Variants in ZNF333 observed in about 807,000 individuals in gnomAD.
ZNF333 encodes zinc finger protein 333.
Under a neutral mutation model 76.1 loss-of-function variants are expected in ZNF333, and 61 were observed. The observed-to-expected ratio is 0.80, with a 90% CI of 0.65 to 0.99. ZNF333 has a LOEUF of 0.99. Ranked by LOEUF, ZNF333 falls within the 50% of genes least tolerant of loss-of-function variation. The pLI is 0.00. For missense variants in ZNF333, 717 were observed against 822.4 expected (o/e 0.87, Z 1.57); for synonymous variants, 284 against 305.0 (o/e 0.93, Z 0.72).
In ZNF333 at chr19:14,699,442, C is replaced by G. The variant is rs969270508; in HGVS notation, c.306+161C>G. On this transcript the variant is annotated intron_variant, in intron 5 of 11. Coordinates refer to ENST00000292530, the MANE Select transcript of ZNF333 (RefSeq NM_032433.4). ...AGTGCCTGTGACTTCTGAATTTGGG[C>G]AAACCCAGACTGTTGCTCAAGACTT... 1.5e-5 allele frequency: 9 copies of G among 610,026 alleles called. No homozygotes were observed. In the African/African-American group the frequency reaches 1.5e-4, roughly 10 times the overall value. 37.8% of individuals were successfully genotyped at this position (610,026 alleles called of 1,614,324 possible).
At chr19:14,699,577 C>T (rs1363770904) in intron 5 of ZNF333, among the ~76,000 whole-genome samples, 1 of 151,942 alleles carries the variant, frequency 6.6e-6, no homozygotes, top group African/African-American at 2.4e-5. Flanking sequence ...TTTCCTGCTT[C>T]AGCCTCCCGA....
In ZNF333 at chr19:14,715,534, C is replaced by T. The variant is rs191644139; in HGVS notation, c.600+64C>T. On this transcript the variant is annotated intron_variant, in intron 8 of 11. Coordinates refer to ENST00000292530, the MANE Select transcript of ZNF333 (RefSeq NM_032433.4). ...GCCCAAAGGCTGGACTTACCTTCTT[C>T]CTGTGACCTGTCTGGATCATCTCAT... 296 of 1,475,188 alleles carry T rather than the reference C, an allele frequency of 2.0e-4. No individual in the cohort carries two copies. The African/African-American group carries it at 3.7e-3, about 18-fold the overall frequency. The allele number at this position is 1,475,188 out of a possible 1,614,324, so 91.4% of individuals were successfully genotyped here. A position where few individuals can be genotyped will look rare whatever the true frequency, so the allele number is the denominator to read the frequency against.
downstream of ZNF333, among the ~76,000 whole-genome samples, chr19:14,723,533 T>C (rs574838073): frequency 6.6e-6 from 1 of 152,378 alleles, no homozygotes; most frequent in African/African-American, 2.4e-5. Context: ...TCAGCAATGC[T>C]TTTTAGCTTT....
chr19:14,713,076 A>G (rs1393209991), intron 7 of ZNF333, among the ~76,000 whole-genome samples: 1 of 151,786 alleles, frequency 6.6e-6, no homozygotes. Context: ...GAATCCCACA[A>G]CTCTTCATGT....
intron 11 of ZNF333, chr19:14,731,087 T>A: frequency 1.1e-5 from 13 of 1,147,270 alleles, no homozygotes; most frequent in African/African-American, 3.1e-5. Context: ...CCGCCCCTCC[T>A]GCCCCCTCCC....
At chr19:14,728,829 A>C (rs887707796) in intron 11 of ZNF333, among the ~76,000 whole-genome samples, 21 of 152,232 alleles carry the variant, frequency 1.4e-4, no homozygotes, top group African/African-American at 4.8e-4. Flanking sequence ...ACGTCAATCA[A>C]GATCCAAGAG....
downstream of ZNF333, among the ~76,000 whole-genome samples, chr19:14,725,542 CAA>C (rs1382050191): frequency 6.6e-6 from 1 of 152,166 alleles, no homozygotes; most frequent in Non-Finnish European, 1.5e-5. Flanking sequence ...CCTGTGAAAT[CAA>C]AGACATGTTA....
At chr19:14,704,458 T>A (rs1167923228) in intron 5 of ZNF333, among the ~76,000 whole-genome samples, 1 of 152,204 alleles carries the variant, frequency 6.6e-6, no homozygotes, top group Admixed American at 6.5e-5. Context: ...CTAATTTTTG[T>A]ATTTTTAGTA....
chr19:14,722,448 T>G (rs2042601088), downstream of ZNF333, among the ~76,000 whole-genome samples: 1 of 152,258 alleles, frequency 6.6e-6, no homozygotes, highest in South Asian at 2.1e-4. Flanking sequence ...TTTGACCATT[T>G]TTAAATTAGT....
downstream of ZNF333, among the ~76,000 whole-genome samples, chr19:14,726,595 C>T (rs1352168183): frequency 1.3e-5 from 2 of 152,156 alleles, no homozygotes; most frequent in Non-Finnish European, 2.9e-5. Context: ...GCAGCCGTGC[C>T]TCTCCTTGAA....
In ZNF333 at chr19:14,719,532, A is replaced by G. The variant is rs1352234825; in HGVS notation, c.*207A>G. The G allele has an allele frequency of 9.3e-7, 1 of 1,069,912 alleles. No individual in the cohort carries two copies. The highest frequency in any genetic ancestry group is 2.8e-5 in the East Asian group (1 of 36,012). The allele number at this position is 1,069,912 out of a possible 1,614,324, so 66.3% of individuals were successfully genotyped here. ...CTAATATGTGGATATATTTTCATAGAGGTATAATGACTTATAGTGAAATGC... is the reference window on the plus strand; with the variant it reads ...CTAATATGTGGATATATTTTCATAGGGGTATAATGACTTATAGTGAAATGC... On this transcript the variant is annotated 3_prime_UTR_variant, in exon 12 of 12. Coordinates refer to ENST00000292530, the MANE Select transcript of ZNF333 (RefSeq NM_032433.4).
rs753751877 is a variant in ZNF333, at chr19:14,718,934, G to A, written c.1607G>A (p.Cys536Tyr). ...RIHTGEKLYE[C>Y]ATCGQVLSRL... ...CACACAGGGGAGAAACTGTATGAGTGCGCGACTTGCGGTCAGGTCTTGAGT... is the reference window on the plus strand; with the variant it reads ...CACACAGGGGAGAAACTGTATGAGTACGCGACTTGCGGTCAGGTCTTGAGT... The change falls in exon 12 of 12, where the codon TGC (cysteine) becomes TAC (tyrosine). Residue 536 changes from cysteine to tyrosine, a missense_variant. Cys to Tyr is a radical substitution (Grantham distance 194, BLOSUM62 -2). Transcript: ENST00000292530. 1.9e-6 allele frequency: 3 copies of A among 1,614,094 alleles called. No homozygotes were observed. The highest frequency in any genetic ancestry group is 2.5e-6 in the Non-Finnish European group (3 of 1,179,972).
intron 5 of ZNF333, among the ~76,000 whole-genome samples, chr19:14,703,675 G>C (rs1193005309): frequency 6.6e-6 from 1 of 152,200 alleles, no homozygotes; most frequent in East Asian, 1.9e-4. Context: ...AGCCTTTCTT[G>C]GAGTTTCCAC....
chr19:14,727,461 C>G (rs2042641116), intron 11 of ZNF333, among the ~76,000 whole-genome samples: 1 of 152,158 alleles, frequency 6.6e-6, no homozygotes, highest in African/African-American at 2.4e-5. Context: ...AGGCACATCA[C>G]ATAGTGAGAC....
intron 6 of ZNF333, 46 bp downstream of exon 6, chr19:14,705,216 G>A: frequency 6.4e-7 from 1 of 1,563,598 alleles, no homozygotes; most frequent in Non-Finnish European, 8.8e-7. Context: ...GTGCAGTCAG[G>A]AAGGCCTGGG....
intron 5 of ZNF333, among the ~76,000 whole-genome samples, chr19:14,702,674 C>T (rs953690442): frequency 5.9e-5 from 9 of 152,256 alleles, no homozygotes; most frequent in Non-Finnish European, 1.0e-4. Context: ...TCCTCTGCTG[C>T]ATCCGCAGGG....
chr19:14,700,641 C>T (rs1377423680), intron 5 of ZNF333, among the ~76,000 whole-genome samples: 2 of 152,156 alleles, frequency 1.3e-5, no homozygotes, highest in African/African-American at 2.4e-5. Flanking sequence ...TGAATTTCCT[C>T]CGCCTCAAAC....
At chr19:14,705,274 T>G in intron 6 of ZNF333, 104 bp downstream of exon 6, 4 of 941,192 alleles carry the variant, frequency 4.2e-6, no homozygotes, top group South Asian at 1.5e-5. Context: ...GGAGGGTGTT[T>G]GGGGCCTGTA....
chr19:14,718,945 G>A lies in ZNF333; in HGVS notation c.1618G>A (p.Gly540Ser), dbSNP rs147710084. The change falls in exon 12 of 12, where the codon GGT becomes AGT. Residue 540 changes from glycine (G) to serine (S), a missense_variant. Gly to Ser is a moderately conservative substitution (Grantham distance 56). Transcript: ENST00000292530. The stretch of plus-strand genomic sequence containing the variant: ...GAAACTGTATGAGTGCGCGACTTGC[G>A]GTCAGGTCTTGAGTCGTCTTTCAAC... ...GEKLYECATC[G>S]QVLSRLSTLK... The A allele has an allele frequency of 7.9e-5, 128 of 1,613,986 alleles. No homozygotes were observed. The highest frequency in any genetic ancestry group is 1.2e-4 in the Admixed American group (7 of 59,994).
Sources: gnomAD v4.1 joint callset for allele counts (sites outside exome capture counted in the v4.1 genomes callset) on GRCh38, gnomAD v4.1.1 for gene constraint, MANE v1.5 for transcripts, NCBI Gene and HGNC (gene_info 2026-07-23, HGNC 2026-07-21) for gene names.